The following NSMF variants were observed in gnomAD, a reference collection of about 807,000 sequenced individuals.
NSMF encodes the protein nasal embryonic LHRH factor.
NSMF carries 31 observed loss-of-function variants against 71.0 expected under a neutral mutation model. That is an observed-to-expected ratio of 0.44 (90% CI 0.33 to 0.59). NSMF has a LOEUF of 0.59. Ranked by LOEUF, NSMF falls within the 20% of genes least tolerant of loss-of-function variation. NSMF has a pLI of 0.04. For missense variants in NSMF, 673 were observed against 740.5 expected, an observed-to-expected ratio of 0.91 and a Z score of 1.06; for synonymous variants, 345 against 287.1, an observed-to-expected ratio of 1.20 and a Z score of -2.04.
chr9:137,454,747 C>A, intron 6 of NSMF: 1 of 1,458,502 alleles, frequency 6.9e-7, no homozygotes, highest in South Asian at 1.3e-5. Flanking sequence ...GGGACTTACG[C>A]CCTGAGCCTC....
Position 137,457,276 on chromosome 9 carries a change from C to T in NSMF, c.628+131G>A, listed in dbSNP as rs956356356. 3.3e-5 allele frequency: 44 copies of T among 1,338,594 alleles called. 1 individual carries two copies. The Admixed American group carries it at 7.4e-4, about 23-fold the overall frequency. The allele number at this position is 1,338,594 out of a possible 1,614,324, so 82.9% of individuals were successfully genotyped here. ...GCAGCAGAAGCCTGCCGGTTTTAAT[C>T]TTGAGTCCGCTGGCATGCTGTGACC... On this transcript the variant is annotated intron_variant, in intron 3 of 15. Transcript: ENST00000371475.
At chr9:137,449,547 C>T (rs1839795534) in intron 15 of NSMF, 52 bp downstream of exon 15, 2 of 1,611,008 alleles carry the variant, frequency 1.2e-6, no homozygotes, top group African/African-American at 2.7e-5. Context: ...GATCCCACCC[C>T]ACCGTGGCCC....
Position 137,452,817 on chromosome 9 carries a change from G to C in NSMF, c.1050C>G (p.Leu350=). 1 of 1,599,288 alleles carries C rather than the reference G, an allele frequency of 6.3e-7. No individual in the cohort carries two copies. The highest frequency in any genetic ancestry group is 8.5e-7 in the Non-Finnish European group (1 of 1,174,346). ...TEGFVPPKVM[L]ISSKVPKAEY... ...CAGCCTTGGGCACCTTGGAGGAAAT[G>C]AGCTGCGGAGACAAAGAGCTGCTCA... The change falls in exon 10 of 16, where the codon CTC becomes CTG. Residue 350 remains leucine, a splice_region_variant and synonymous_variant. Coordinates refer to ENST00000371475, the MANE Select transcript of NSMF (RefSeq NM_001130969.3).
At chr9:137,457,314 C>G in intron 3 of NSMF, 93 bp downstream of exon 3, 1 of 1,563,522 alleles carries the variant, frequency 6.4e-7, no homozygotes. Context: ...AGCACCTGTT[C>G]TCTGTTCCAA....
chr9:137,454,945 C>A, intron 6 of NSMF: 1 of 702,294 alleles, frequency 1.4e-6, no homozygotes, highest in Non-Finnish European at 2.6e-6. Flanking sequence ...ACATCCAAAA[C>A]GGGCAAAAAA....
chr9:137,449,236 G>A lies in NSMF; in HGVS notation c.*158C>T, dbSNP rs1839771719. The A allele has an allele frequency of 1.0e-5, 7 of 673,222 alleles. No homozygotes were observed. Among genetic ancestry groups the A allele is most frequent in the East Asian group, 2.7e-5 (1 of 36,632 alleles). The allele number at this position is 673,222 out of a possible 1,614,324, so 41.7% of individuals were successfully genotyped here. ...TGCGGCCACGGGTGCAGCGAGGACC[G>A]GAACCCACAGGGGGAACCTGAGCAA... On this transcript the variant is annotated 3_prime_UTR_variant, in exon 16 of 16. Transcript: ENST00000371475.
chr9:137,458,948 G>T, intron 1 of NSMF, 84 bp downstream of exon 1: 1 of 1,096,842 alleles, frequency 9.1e-7, no homozygotes, highest in Non-Finnish European at 1.2e-6. Context: ...CCGGGAGCCC[G>T]GGGAGCACCG....
In NSMF at chr9:137,448,922, G is replaced by A. The variant is rs997313130; in HGVS notation, c.*472C>T. 3 of 265,886 alleles carry A rather than the reference G, an allele frequency of 1.1e-5. No individual in the cohort carries two copies. Among genetic ancestry groups the A allele is most frequent in the South Asian group, 3.9e-5 (1 of 25,498 alleles). The allele number at this position is 265,886 out of a possible 1,614,324, so 16.5% of individuals were successfully genotyped here. On this transcript the variant is annotated 3_prime_UTR_variant, in exon 16 of 16. Transcript: ENST00000371475. This position sits in a 1 kb window ranked among gnomAD's most constrained non-coding sequence, Gnocchi z 5.3. ...CCACCCTGGTGCTGGTGATCGATAC[G>A]GCAGGGAGGGGGTGGGCAGGGAGGG...
At chr9:137,454,771 C>G in intron 6 of NSMF, 1 of 1,415,566 alleles carries the variant, frequency 7.1e-7, no homozygotes, top group South Asian at 1.3e-5. Context: ...GCCCATGTGG[C>G]AGAGGATCCA....
intron 14 of NSMF, 113 bp from the exon 15 acceptor site, chr9:137,449,787 G>C: frequency 7.7e-7 from 1 of 1,303,626 alleles, no homozygotes; most frequent in South Asian, 1.2e-5. Context: ...AACCTGGCTG[G>C]GCTCAGGCAT....
At position 137,452,759 on chromosome 9, in the gene NSMF, G is replaced by A. The variant is rs1830603050; in HGVS notation, c.1108C>T (p.Pro370Ser). The A allele has an allele frequency of 3.7e-6, 6 of 1,606,866 alleles. No homozygotes were observed. The highest frequency in any genetic ancestry group is 1.6e-4 in the Middle Eastern group (1 of 6,070). ...ACGTAGAGGATGGGGATGATGGAGG[G>A]GTCATCCCGGCGGATGATAGTGGGG... Reference protein sequence around the residue: ...YIPTIIRRDDPSIIPILYDHE... With the variant: ...YIPTIIRRDDSSIIPILYDHE... Residue 370 changes from proline to serine, a missense_variant, in exon 10 of 16, where the codon CCC becomes TCC. Physicochemically the swap from Pro to Ser is moderately conservative, Grantham distance 74. Around this residue, in one of 2 missense-constraint regions of NSMF, gnomAD observed 202 missense variants for 280.8 expected, o/e 0.72. Coordinates refer to ENST00000371475, the MANE Select transcript of NSMF (RefSeq NM_001130969.3).
chr9:137,453,818 A>C lies in NSMF; in HGVS notation c.835T>G (p.Phe279Val). ...VGSRRVKAQT[F>V]AERRERSFSR... ...AAGCTCCGCTCGCGCCGCTCAGCGA[A>C]CGCTGCAGAGAGCAAAACCCGCATT... Residue 279 changes from phenylalanine to valine, a missense_variant and splice_region_variant, in exon 8 of 16, where the codon TTC becomes GTC. Phe to Val is a conservative substitution (Grantham distance 50). Around this residue, in one of 2 missense-constraint regions of NSMF, gnomAD observed 471 missense variants for 459.6 expected, o/e 1.02. Coordinates refer to ENST00000371475, the MANE Select transcript of NSMF (RefSeq NM_001130969.3). This position sits in a 1 kb window ranked among gnomAD's most constrained non-coding sequence, Gnocchi z 4.5. The C allele has an allele frequency of 6.3e-7, 1 of 1,588,528 alleles. No individual in the cohort carries two copies. The highest frequency in any genetic ancestry group is 8.5e-7 in the Non-Finnish European group (1 of 1,174,500).
rs747191186 is a variant in NSMF, at chr9:137,458,495, G to A, written c.126C>T (p.Asn42=). The change falls in exon 2 of 16, where the codon AAC becomes AAT. Residue 42 remains asparagine, a synonymous_variant. Coordinates refer to ENST00000371475, the MANE Select transcript of NSMF (RefSeq NM_001130969.3). ...GGCCTCGCGTGCCCCTACCTGCGCC[G>A]TTGCGGTTCTCAGGGTGACTCTGGG... The part of the protein sequence containing the change: ...YLSQSHPENR[N]GADHLLADAY... 6 of 1,590,498 alleles carry A rather than the reference G, an allele frequency of 3.8e-6. No homozygotes were observed. The highest frequency in any genetic ancestry group is 2.7e-5 in the African/African-American group (2 of 74,276).
At chr9:137,455,441 C>T in intron 5 of NSMF, 134 bp from the exon 6 acceptor site, 1 of 1,171,076 alleles carries the variant, frequency 8.5e-7, no homozygotes, top group Non-Finnish European at 1.2e-6. Flanking sequence ...CCCAGCCTGC[C>T]TCACCTGTCG....
At chr9:137,456,212 G>C (rs982668852) in intron 4 of NSMF, among the ~76,000 whole-genome samples, 199 bp downstream of exon 4, 1 of 152,132 alleles carries the variant, frequency 6.6e-6, no homozygotes, top group Admixed American at 6.5e-5. Context: ...GTGTGTGGGG[G>C]GGGGGGCTGG....
intron 14 of NSMF, 67 bp downstream of exon 14, chr9:137,449,856 G>A: frequency 1.4e-6 from 2 of 1,418,532 alleles, no homozygotes; most frequent in East Asian, 2.3e-5. Flanking sequence ...AACATGGAAG[G>A]CTCTGCCCTG....
At chr9:137,455,506 C>T (rs559808198) in intron 5 of NSMF, 123 bp downstream of exon 5, 1 of 1,265,962 alleles carries the variant, frequency 7.9e-7, no homozygotes, top group Non-Finnish European at 1.1e-6. Context: ...GGGAGCCAGG[C>T]CCGCAGAGAG....
Position 137,457,617 on chromosome 9 carries a change from G to A in NSMF, c.418C>T (p.Arg140Cys), listed in dbSNP as rs746582516. The A allele has an allele frequency of 4.5e-6, 7 of 1,550,566 alleles. No individual in the cohort carries two copies. Among genetic ancestry groups the A allele is most frequent in the South Asian group, 3.5e-5 (3 of 84,708 alleles). ...TCCCGGCTGCCACCAGGGCTGGCGC[G>A]CAGGGGCTGGCTGTGATGGTGAGGG... ...RHPHHHSQPL[R>C]ASPGGSREDV... is the part of the protein sequence containing the mutation. Residue 140 changes from arginine (R) to cysteine (C), a missense_variant, in exon 3 of 16, where the codon CGC (arginine) becomes TGC (cysteine). Transcript: ENST00000371475.
intron 9 of NSMF, 33 bp from the exon 10 acceptor site, chr9:137,452,852 G>C: frequency 6.3e-7 from 1 of 1,579,778 alleles, no homozygotes; most frequent in Non-Finnish European, 8.6e-7. Flanking sequence ...AGGGGCCCCA[G>C]GCCCATCCAA....
Sources: allele counts gnomAD v4.1 joint callset (sites outside exome capture counted in the v4.1 genomes callset), GRCh38; gene constraint gnomAD v4.1.1; regional missense constraint gnomAD v4.1.1; non-coding constraint Gnocchi (gnomAD v3.1); transcripts MANE v1.5; gene names NCBI Gene and HGNC (gene_info 2026-07-23, HGNC 2026-07-21).